MTBP: variants seen among roughly 807,000 people sequenced by gnomAD.
MTBP encodes MDM2 binding protein, also known as mdm2-binding protein.
Under a neutral mutation model 117.0 loss-of-function variants are expected in MTBP, and 101 were observed. The observed-to-expected ratio is 0.86, with a 90% CI of 0.73 to 1.02. The LOEUF is 1.02. MTBP is among the 50% of genes least tolerant of loss of function. The pLI, the probability that MTBP is intolerant of heterozygous loss-of-function variation, is 0.00. For synonymous variants in MTBP, 350 were observed against 351.5 expected (o/e 1.00, Z 0.05); for missense variants, 970 against 1,030.9 (o/e 0.94, Z 0.81).
intron 2 of MTBP, 44 bp downstream of exon 2, chr8:120,446,557 C>T: frequency 8.6e-7 from 1 of 1,166,912 alleles, no homozygotes; most frequent in East Asian, 2.3e-5. Context: ...AGCATTTGTA[C>T]TGGAAATTAA....
chr8:120,521,470 C>G (rs1382457292), intron 20 of MTBP, among the ~76,000 whole-genome samples: 3 of 152,144 alleles, frequency 2.0e-5, no homozygotes, highest in African/African-American at 4.8e-5. Flanking sequence ...TGAATCCATC[C>G]ATGACGTTCT....
At chr8:120,494,189 T>G (rs1031358227) in intron 13 of MTBP, among the ~76,000 whole-genome samples, 4 of 152,190 alleles carry the variant, frequency 2.6e-5, no homozygotes, top group Non-Finnish European at 2.9e-5. Context: ...ATTATTTATG[T>G]GCTGACCTCA....
Position 120,517,912 on chromosome 8 carries a change from TATC to T in MTBP, c.2317_2319del (p.His773del). ...TCAGACAACTGGTAATAGTAATCAC[TATC>T]ATCATCATGTGACATCCAGAAAGCC... On this transcript the variant is annotated inframe_deletion, in exon 19 of 22. Coordinates refer to ENST00000305949, the MANE Select transcript of MTBP (RefSeq NM_022045.5). The T allele has an allele frequency of 6.2e-7, 1 of 1,611,430 alleles. No individual in the cohort carries two copies. Among genetic ancestry groups the T allele is most frequent in the South Asian group, 1.1e-5 (1 of 91,018 alleles).
chr8:120,481,322 A>G (rs941858910), intron 11 of MTBP, among the ~76,000 whole-genome samples: 8 of 152,190 alleles, frequency 5.3e-5, no homozygotes, highest in African/African-American at 1.7e-4. Context: ...ATTCCTAGAT[A>G]TTTACCCAGG....
chr8:120,480,404 C>T (rs1313747860), intron 11 of MTBP, among the ~76,000 whole-genome samples: 5 of 151,568 alleles, frequency 3.3e-5, no homozygotes, highest in African/African-American at 9.7e-5. Context: ...AGCGAGACTC[C>T]GTCTCAAAAA....
chr8:120,450,764 CG>C (rs1271268365), intron 2 of MTBP, among the ~76,000 whole-genome samples: 1 of 151,948 alleles, frequency 6.6e-6, no homozygotes, highest in African/African-American at 2.4e-5. Flanking sequence ...AATAATAATA[CG>C]AAATTCTGAA....
intron 11 of MTBP, 123 bp downstream of exon 11, chr8:120,471,060 C>A: frequency 1.6e-6 from 1 of 639,844 alleles, no homozygotes. Flanking sequence ...TACTGATTAC[C>A]AGGAGTCCAC....
intron 14 of MTBP, among the ~76,000 whole-genome samples, chr8:120,498,931 G>A (rs1478156312): frequency 6.6e-6 from 1 of 152,138 alleles, no homozygotes; most frequent in Non-Finnish European, 1.5e-5. Flanking sequence ...ATAAGTTTAA[G>A]GGTATGTATC....
chr8:120,470,262 A>G (rs768973912), intron 10 of MTBP, among the ~76,000 whole-genome samples: 1 of 152,256 alleles, frequency 6.6e-6, no homozygotes, highest in Non-Finnish European at 1.5e-5. Context: ...CTCATAAATC[A>G]GTCAGAAGTT....
Position 120,459,287 on chromosome 8 carries a change from T to A in MTBP, c.820T>A (p.Leu274Ile). The A allele has an allele frequency of 6.2e-7, 1 of 1,611,880 alleles. No homozygotes were observed. The highest frequency in any genetic ancestry group is 8.5e-7 in the Non-Finnish European group (1 of 1,178,838). Reference sequence around the variant, plus strand: ...ACTTAAGAATTTTAGTACTTCTAATTTAAATACTGACTTCCTTGCCAAAAA... The same window carrying A: ...ACTTAAGAATTTTAGTACTTCTAATATAAATACTGACTTCCTTGCCAAAAA... ...VTLKNFSTSNLNTDFLAKKII... is the reference protein window; with the variant it reads ...VTLKNFSTSNINTDFLAKKII... Residue 274 changes from leucine (L) to isoleucine (I), a missense_variant, in exon 8 of 22, where the codon TTA becomes ATA. Leu to Ile is a conservative substitution (Grantham distance 5, BLOSUM62 2). Coordinates refer to ENST00000305949, the MANE Select transcript of MTBP (RefSeq NM_022045.5).
chr8:120,472,962 T>C (rs1256466025), intron 11 of MTBP: 2 of 152,138 alleles, frequency 1.3e-5, no homozygotes, highest in Non-Finnish European at 2.9e-5. Flanking sequence ...ATAGGGTCTT[T>C]AGAAATATAG....
intron 11 of MTBP, chr8:120,471,658 A>G (rs991954654): frequency 5.3e-5 from 8 of 152,264 alleles, no homozygotes; most frequent in Middle Eastern, 3.4e-3. Flanking sequence ...CAAGTATTCT[A>G]TTTTAGAAAT....
At chr8:120,448,757 G>A (rs1034039984) in intron 2 of MTBP, among the ~76,000 whole-genome samples, 1 of 152,158 alleles carries the variant, frequency 6.6e-6, no homozygotes, top group African/African-American at 2.4e-5. Flanking sequence ...TGTTGTTTAA[G>A]CTACAGTAAC....
At chr8:120,448,363 A>G (rs1376306326) in intron 2 of MTBP, among the ~76,000 whole-genome samples, 1 of 152,160 alleles carries the variant, frequency 6.6e-6, no homozygotes, top group Non-Finnish European at 1.5e-5. Flanking sequence ...TTAGAACTCT[A>G]TTTACATTAG....
intron 13 of MTBP, among the ~76,000 whole-genome samples, chr8:120,493,202 A>G (rs905794885): frequency 1.3e-5 from 2 of 152,178 alleles, no homozygotes; most frequent in Non-Finnish European, 2.9e-5. Context: ...TAGCATTCTT[A>G]TGCTAACTCA....
Position 120,510,009 on chromosome 8 carries a change from A to G in MTBP, c.1959A>G (p.Val653=). The change falls in exon 17 of 22, where the codon GTA becomes GTG. Residue 653 remains valine, a synonymous_variant. Transcript: ENST00000305949. ...TCTTACCTTTTGAGAAAGCCTCAGT[A>G]TGTCATTATCATGGAATTGAGTAAG... ...LQVLPFEKAS[V]CHYHGIEYCL... The G allele has an allele frequency of 6.2e-7, 1 of 1,611,010 alleles. No homozygotes were observed.
chr8:120,493,692 T>C (rs753425889), intron 13 of MTBP, among the ~76,000 whole-genome samples: 2 of 152,102 alleles, frequency 1.3e-5, no homozygotes, highest in Admixed American at 6.6e-5. Flanking sequence ...AGTTTCTTCA[T>C]GTTGGCCAGG....
chr8:120,521,211 C>T (rs548926641), intron 20 of MTBP, among the ~76,000 whole-genome samples: 1 of 152,128 alleles, frequency 6.6e-6, no homozygotes, highest in African/African-American at 2.4e-5. Context: ...CATTTATTGC[C>T]AGTATTTAGG....
intron 20 of MTBP, 127 bp from the exon 21 acceptor site, chr8:120,522,527 G>A (rs1282040307): frequency 1.4e-5 from 9 of 623,216 alleles, no homozygotes; most frequent in Non-Finnish European, 2.1e-5. Context: ...TGTTGTTGTA[G>A]TCTGTCCCTA....
Sources: allele counts gnomAD v4.1 joint callset (sites outside exome capture counted in the v4.1 genomes callset), GRCh38; gene constraint gnomAD v4.1.1; transcripts MANE v1.5; gene names NCBI Gene and HGNC (gene_info 2026-07-23, HGNC 2026-07-21).